TMEM178B: variants seen among roughly 807,000 people sequenced by gnomAD.
TMEM178B encodes transmembrane protein 178B.
In TMEM178B, 5 loss-of-function variants were observed where a neutral mutation model predicts 31.0. The ratio of observed to expected loss-of-function variants is 0.16; its 90% confidence interval spans 0.08 to 0.34. The LOEUF (loss-of-function observed/expected upper bound fraction) is 0.34, where lower values mean the gene tolerates loss of function less well. Ranked by LOEUF, TMEM178B falls within the 10% of genes least tolerant of loss-of-function variation. The pLI is 1.00. For missense variants in TMEM178B, 275 were observed against 400.3 expected (o/e 0.69, Z 2.67); for synonymous variants, 164 against 164.0 (o/e 1.00, Z 0.00).
chr7:141,499,464 CAAAAAAAA>C, the TMEM178B span, among the ~76,000 whole-genome samples: 1,679 of 50,704 alleles, frequency 0.033, 34 homozygotes, highest in African/African-American at 0.084. Context: ...CACATCTCTA[CAAAAAAAA>C]AAAAAAAAAA....
At chr7:141,437,458 A>G in intron 2 of TMEM178B, 150 bp from the exon 3 acceptor site, 1 of 1,051,076 alleles carries the variant, frequency 9.5e-7, no homozygotes, top group Non-Finnish European at 1.3e-6. Flanking sequence ...CTCCCTCTGC[A>G]AAGATTGTGT....
intron 2 of TMEM178B, among the ~76,000 whole-genome samples, chr7:141,342,600 C>T (rs1458354929): frequency 6.6e-6 from 1 of 152,140 alleles, no homozygotes; most frequent in Non-Finnish European, 1.5e-5. Flanking sequence ...TTGCGTAGCC[C>T]TTTGGTTGAT....
At chr7:141,108,495 C>A (rs1046526080) in intron 1 of TMEM178B, among the ~76,000 whole-genome samples, 3 of 152,058 alleles carry the variant, frequency 2.0e-5, no homozygotes, top group Non-Finnish European at 4.4e-5. Context: ...AGATGTGGTA[C>A]TGGGAGTTTG....
intron 1 of TMEM178B, among the ~76,000 whole-genome samples, chr7:141,115,602 A>G (rs1010626619): frequency 6.6e-6 from 1 of 152,176 alleles, no homozygotes; most frequent in Non-Finnish European, 1.5e-5. Flanking sequence ...AGGGAGAGAA[A>G]GGGCTAAGAA....
intron 1 of TMEM178B, among the ~76,000 whole-genome samples, chr7:141,198,241 G>T (rs1019408898): frequency 6.6e-6 from 1 of 152,142 alleles, no homozygotes; most frequent in Non-Finnish European, 1.5e-5. Context: ...AGCTCAGTCT[G>T]TAGGAAATGC....
intron 2 of TMEM178B, among the ~76,000 whole-genome samples, chr7:141,401,915 AC>A (rs1202886145): frequency 6.6e-6 from 1 of 152,004 alleles, no homozygotes; most frequent in Non-Finnish European, 1.5e-5. Context: ...CCGGGTAAAC[AC>A]CCCTCCCACA....
intron 2 of TMEM178B, among the ~76,000 whole-genome samples, chr7:141,237,992 C>CCAG (rs1478071779): frequency 6.7e-6 from 1 of 149,970 alleles, no homozygotes; most frequent in Non-Finnish European, 1.5e-5. Context: ...CCATTGCACT[C>CCAG]CAGCCTGGGT....
chr7:141,142,994 T>C (rs1795798863), intron 1 of TMEM178B, among the ~76,000 whole-genome samples: 1 of 152,260 alleles, frequency 6.6e-6, no homozygotes, highest in Non-Finnish European at 1.5e-5. Flanking sequence ...CATTTTTTCA[T>C]GTTTGTTTGT....
chr7:141,190,676 TG>T (rs772411027), intron 1 of TMEM178B, among the ~76,000 whole-genome samples: 2 of 152,180 alleles, frequency 1.3e-5, no homozygotes, highest in African/African-American at 2.4e-5. Flanking sequence ...ACTTGACATA[TG>T]GTTTCTACTG....
intron 2 of TMEM178B, among the ~76,000 whole-genome samples, chr7:141,261,286 C>G (rs948514432): frequency 1.3e-5 from 2 of 151,732 alleles, no homozygotes; most frequent in African/African-American, 4.8e-5. Context: ...TCCTATTTGC[C>G]TCAAATTGGG....
intron 2 of TMEM178B, among the ~76,000 whole-genome samples, chr7:141,291,126 T>C (rs1456792345): frequency 6.6e-6 from 1 of 152,198 alleles, no homozygotes; most frequent in Non-Finnish European, 1.5e-5. Context: ...AGCAGGATTC[T>C]CGATAGTGCT....
Position 141,181,017 on chromosome 7 carries a change from C to T in TMEM178B, c.383-31574C>T, listed in dbSNP as rs535662758. Among the ~76,000 whole-genome samples the T allele has an allele frequency of 2.0e-5, 3 of 152,288 alleles. No individual in the cohort carries two copies. The East Asian group carries it at 5.8e-4, about 29-fold the overall frequency. The stretch of plus-strand genomic sequence containing the variant: ...CCACCCATCCACCCATCTGTCAATT[C>T]ATCCATCCATCTCTCCATTCCTCAT... On this transcript the variant is annotated intron_variant, in intron 1 of 3. Transcript: ENST00000565468.
chr7:141,335,894 G>A (rs923615052), intron 2 of TMEM178B, among the ~76,000 whole-genome samples: 3 of 152,100 alleles, frequency 2.0e-5, no homozygotes, highest in African/African-American at 4.8e-5. Context: ...GTGTCTCTGG[G>A]AAAAGGAAGC....
chr7:141,350,380 C>T (rs1799699494), intron 2 of TMEM178B, among the ~76,000 whole-genome samples: 1 of 152,048 alleles, frequency 6.6e-6, no homozygotes, highest in African/African-American at 2.4e-5. Context: ...ATTTTATCTT[C>T]CCCCACTAGA....
intron 2 of TMEM178B, among the ~76,000 whole-genome samples, chr7:141,375,290 C>T (rs1800193280): frequency 6.6e-6 from 1 of 152,204 alleles, no homozygotes; most frequent in Admixed American, 6.5e-5. Context: ...ATGTTTGAAA[C>T]TGCTTGCAGC....
chr7:141,370,957 T>G (rs531847007), intron 2 of TMEM178B, among the ~76,000 whole-genome samples: 8 of 152,328 alleles, frequency 5.3e-5, no homozygotes, highest in African/African-American at 1.9e-4. Flanking sequence ...GTTCAGGGGA[T>G]GAATGTAGAA....
At chr7:141,250,494 A>C (rs939064144) in intron 2 of TMEM178B, among the ~76,000 whole-genome samples, 1 of 152,194 alleles carries the variant, frequency 6.6e-6, no homozygotes, top group African/African-American at 2.4e-5. Flanking sequence ...AGAAGGAAAT[A>C]TATTGCTAAG....
At chr7:141,192,523 C>G (rs1351694613) in intron 1 of TMEM178B, among the ~76,000 whole-genome samples, 2 of 150,756 alleles carry the variant, frequency 1.3e-5, no homozygotes, top group Non-Finnish European at 1.5e-5. Flanking sequence ...GAGTCTCACT[C>G]TGTCGCCCAG....
chr7:141,439,243 G>GA (rs1801612111), intron 3 of TMEM178B, among the ~76,000 whole-genome samples: 1 of 152,094 alleles, frequency 6.6e-6, no homozygotes. Flanking sequence ...TCTTTCCAAG[G>GA]AAAAATCACT....
Sources: allele counts gnomAD v4.1 joint callset (sites outside exome capture counted in the v4.1 genomes callset), GRCh38; gene constraint gnomAD v4.1.1; transcripts MANE v1.5; gene names NCBI Gene and HGNC (gene_info 2026-07-23, HGNC 2026-07-21).